The following TOPBP1 variants were observed in gnomAD, a reference collection of about 807,000 sequenced individuals.
The protein encoded by TOPBP1 is DNA topoisomerase 2-binding protein 1.
A neutral mutation model predicts 167.7 loss-of-function variants in TOPBP1; 28 were observed. The observed-to-expected ratio is 0.17, with a 90% CI of 0.12 to 0.23. The LOEUF (loss-of-function observed/expected upper bound fraction) is 0.23, where lower values mean the gene tolerates loss of function less well. TOPBP1 is among the 10% of genes least tolerant of loss of function. The pLI, the probability that TOPBP1 is intolerant of heterozygous loss-of-function variation, is 1.00. For synonymous variants in TOPBP1, 598 were observed against 611.4 expected (o/e 0.98, Z 0.32); for missense variants, 1,554 against 1,809.6 (o/e 0.86, Z 2.56).
Position 133,631,066 on chromosome 3 carries a change from C to A in TOPBP1, c.2521-2333G>T, listed in dbSNP as rs368545637. On this transcript the variant is annotated intron_variant, in intron 14 of 27. Transcript: ENST00000260810. Reference sequence around the variant, plus strand: ...TAGCTGGGCACAGTGTCATGTACCTCTAGTCTGAGTTACTCCAGAGGCTGA... The same window carrying A: ...TAGCTGGGCACAGTGTCATGTACCTATAGTCTGAGTTACTCCAGAGGCTGA... Among the ~76,000 whole-genome samples, 82 of 152,234 alleles carry A rather than the reference C, an allele frequency of 5.4e-4. 1 individual carries two copies. The highest frequency in any genetic ancestry group is 3.4e-3 in the Middle Eastern group (1 of 294).
intron 13 of TOPBP1, among the ~76,000 whole-genome samples, 194 bp downstream of exon 13, chr3:133,639,765 T>C (rs1935829436): frequency 6.6e-6 from 1 of 152,126 alleles, no homozygotes; most frequent in African/African-American, 2.4e-5. Context: ...TGTGTTACTA[T>C]GAGCCATAGA....
At chr3:133,652,887 C>T (rs1246209404) in intron 7 of TOPBP1, among the ~76,000 whole-genome samples, 1 of 152,120 alleles carries the variant, frequency 6.6e-6, no homozygotes, top group African/African-American at 2.4e-5. Flanking sequence ...TCTGAAGTTG[C>T]TGACTTTAAG....
chr3:133,626,198 T>C (rs1218664030), intron 16 of TOPBP1, among the ~76,000 whole-genome samples: 1 of 152,240 alleles, frequency 6.6e-6, no homozygotes, highest in Admixed American at 6.5e-5. Context: ...GAAAAGGCAT[T>C]GCTGTATTCC....
intron 25 of TOPBP1, 144 bp from the exon 26 acceptor site, chr3:133,609,106 G>A: frequency 3.0e-6 from 2 of 672,750 alleles, no homozygotes; most frequent in South Asian, 4.1e-5. Context: ...TCTCTGGCCA[G>A]AACACTGAAA....
In TOPBP1 at chr3:133,643,191, A is replaced by G. The variant is rs370395032; in HGVS notation, c.2021+9T>C. On this transcript the variant is annotated intron_variant, in intron 12 of 27. Transcript: ENST00000260810. ...CCAATACAACAGGTGCATTAAAAAT[A>G]TTACATACCTTGCTCCAAGGAGGTT... 2 of 1,569,006 alleles carry G rather than the reference A, an allele frequency of 1.3e-6. No homozygotes were observed. Among genetic ancestry groups the G allele is most frequent in the African/African-American group, 2.8e-5 (2 of 72,416 alleles).
In TOPBP1 at chr3:133,638,068, G is replaced by A. The variant is rs1284687148; in HGVS notation, c.2328C>T (p.Thr776=). The A allele has an allele frequency of 6.2e-6, 10 of 1,613,808 alleles. No individual in the cohort carries two copies. The highest frequency in any genetic ancestry group is 1.1e-5 in the South Asian group (1 of 91,090). The part of the protein sequence containing the change: ...PGTRLQTHRK[T]VVTPLDMNRF... Reference sequence around the variant, plus strand: ...GGTTCATATCTAAAGGTGTAACGACGGTTTTTCTGTGAGTTTGCAGGCGTG... The same window carrying A: ...GGTTCATATCTAAAGGTGTAACGACAGTTTTTCTGTGAGTTTGCAGGCGTG... Residue 776 remains threonine, a synonymous_variant, in exon 14 of 28, where the codon ACC becomes ACT. Coordinates refer to ENST00000260810, the MANE Select transcript of TOPBP1 (RefSeq NM_007027.4).
At chr3:133,658,627 C>A (rs558857418) in intron 3 of TOPBP1, among the ~76,000 whole-genome samples, 1 of 151,764 alleles carries the variant, frequency 6.6e-6, no homozygotes, top group East Asian at 1.9e-4. Flanking sequence ...TGGCCAACAT[C>A]GAGAAACCCT....
chr3:133,646,156 C>A (rs1188202097), intron 10 of TOPBP1, among the ~76,000 whole-genome samples: 1 of 151,108 alleles, frequency 6.6e-6, no homozygotes, highest in Non-Finnish European at 1.5e-5. Flanking sequence ...AAAAAAAAAA[C>A]AAAAAACTCC....
rs780518657 is a variant in TOPBP1 at position 133,612,401 on chromosome 3, T to G, written c.4023A>C (p.Gly1341=). The G allele has an allele frequency of 6.2e-7, 1 of 1,613,862 alleles. No homozygotes were observed. Among genetic ancestry groups the G allele is most frequent in the Non-Finnish European group, 8.5e-7 (1 of 1,179,814 alleles). The change falls in exon 24 of 28, where the codon GGA becomes GGC. Residue 1341 remains glycine, a synonymous_variant. Transcript: ENST00000260810. ...TCTGAATACACACCTGCACGAAGTG[T>G]CCAGCAGTCCTGCAGGCTTCAAGGT... is the stretch of plus-strand genomic sequence containing the variant. ...RSYLEACRTA[G]HFVQEEDYEW... is the part of the protein sequence containing the mutation.
rs763367304 is a variant in TOPBP1, at chr3:133,652,640, T to C, written c.923-11A>G. ...CTGAAAGAGTACGACCTACATATTT[T>C]GAAAACGTATAAATTTATGGGAGAT... is the stretch of plus-strand genomic sequence containing the variant. On this transcript the variant is annotated splice_polypyrimidine_tract_variant and intron_variant, in intron 7 of 27. Transcript: ENST00000260810. The C allele has an allele frequency of 1.3e-5, 21 of 1,583,156 alleles. No homozygotes were observed. The Admixed American group carries it at 4.0e-4, about 30-fold the overall frequency.
At chr3:133,650,581 T>TA (rs1936257530) in intron 8 of TOPBP1, among the ~76,000 whole-genome samples, 1 of 152,178 alleles carries the variant, frequency 6.6e-6, no homozygotes, top group South Asian at 2.1e-4. Flanking sequence ...TCAGTATATA[T>TA]ATATTTAAAC....
chr3:133,617,616 G>A (rs970634403), intron 21 of TOPBP1: 8 of 229,174 alleles, frequency 3.5e-5, no homozygotes, highest in Non-Finnish European at 6.7e-5. Context: ...AGTTTTCATT[G>A]TTAAGTGTAA....
At chr3:133,602,877 G>A (rs1006835269) in intron 27 of TOPBP1, among the ~76,000 whole-genome samples, 2 of 150,842 alleles carry the variant, frequency 1.3e-5, no homozygotes, top group South Asian at 4.2e-4. Context: ...GGATGCAAGA[G>A]ATCTACCTTT....
chr3:133,628,266 C>T (rs1246854250), intron 16 of TOPBP1, 96 bp downstream of exon 16: 1 of 1,171,838 alleles, frequency 8.5e-7, no homozygotes, highest in Non-Finnish European at 1.2e-6. Context: ...ATGCATGAAA[C>T]AAAATAAATG....
At chr3:133,613,518 CA>C (rs1934752326) in intron 23 of TOPBP1, among the ~76,000 whole-genome samples, 1 of 151,986 alleles carries the variant, frequency 6.6e-6, no homozygotes, top group Non-Finnish European at 1.5e-5. Flanking sequence ...GACTTTAAAA[CA>C]GGAGGAAATT....
intron 10 of TOPBP1, 65 bp from the exon 11 acceptor site, chr3:133,644,428 G>T: frequency 7.5e-7 from 1 of 1,338,440 alleles, no homozygotes; most frequent in Non-Finnish European, 1.0e-6. Context: ...TTCCTAGCAA[G>T]GATATTAACG....
At position 133,623,453 on chromosome 3, in the gene TOPBP1, G is replaced by C. The variant is rs773560366; in HGVS notation, c.2933C>G (p.Ala978Gly). Residue 978 changes from alanine (A) to glycine (G), a missense_variant, in exon 18 of 28, where the codon GCC (alanine) becomes GGC (glycine). By Grantham distance (60) the Ala-to-Gly change is moderately conservative. Transcript: ENST00000260810. ...IVSEHWLLDC[A>G]QECKHLPESL... is the part of the protein sequence containing the mutation. The stretch of plus-strand genomic sequence containing the variant: ...TTCAGGAAGATGTTTACACTCTTGG[G>C]CACACTGCAATACAATGGTGTGCTT... 3 of 1,609,154 alleles carry C rather than the reference G, an allele frequency of 1.9e-6. No individual in the cohort carries two copies. The highest frequency in any genetic ancestry group is 2.7e-5 in the African/African-American group (2 of 74,962).
At chr3:133,622,932 A>G (rs1007389713) in intron 19 of TOPBP1, among the ~76,000 whole-genome samples, 159 bp downstream of exon 19, 1 of 152,148 alleles carries the variant, frequency 6.6e-6, no homozygotes. Flanking sequence ...TAATTTAAAC[A>G]TATTTTACAG....
intron 14 of TOPBP1, among the ~76,000 whole-genome samples, chr3:133,636,563 T>C (rs894297059): frequency 2.0e-5 from 3 of 152,338 alleles, no homozygotes; most frequent in African/African-American, 7.2e-5. Flanking sequence ...GTGTTTTTTG[T>C]ATTGAGGCTA....
Sources: allele counts gnomAD v4.1 joint callset (sites outside exome capture counted in the v4.1 genomes callset), GRCh38; gene constraint gnomAD v4.1.1; transcripts MANE v1.5; gene names NCBI Gene and HGNC (gene_info 2026-07-23, HGNC 2026-07-21).